The following ARHGAP15 variants were observed in gnomAD, a reference collection of about 807,000 sequenced individuals.
ARHGAP15 encodes the protein Rho GTPase activating protein 15.
ARHGAP15 carries 51 observed loss-of-function variants against 63.7 expected under a neutral mutation model. That is an observed-to-expected ratio of 0.80 (90% CI 0.64 to 1.01). The LOEUF (loss-of-function observed/expected upper bound fraction) is 1.01, where lower values mean the gene tolerates loss of function less well. ARHGAP15 is among the 50% of genes least tolerant of loss of function. The probability of loss-of-function intolerance (pLI) is 0.00; values close to 1 mark genes in which losing one functional copy is unlikely to be tolerated. For missense variants in ARHGAP15, 560 were observed against 564.6 expected (o/e 0.99, Z 0.08); for synonymous variants, 191 against 193.8 (o/e 0.99, Z 0.12).
chr2:143,427,622 A>G (rs912165265), intron 6 of ARHGAP15, among the ~76,000 whole-genome samples: 1 of 151,908 alleles, frequency 6.6e-6, no homozygotes, highest in Non-Finnish European at 1.5e-5. Context: ...AGAACGTTCT[A>G]TTTTAGAGAT....
chr2:143,403,503 T>G (rs1263236564), intron 6 of ARHGAP15, among the ~76,000 whole-genome samples: 3 of 151,834 alleles, frequency 2.0e-5, no homozygotes, highest in African/African-American at 7.2e-5. Context: ...AGTTACTATT[T>G]TCAAAAATAC....
intron 13 of ARHGAP15, among the ~76,000 whole-genome samples, chr2:143,727,658 C>G (rs772368688): frequency 6.6e-6 from 1 of 152,162 alleles, no homozygotes; most frequent in Admixed American, 6.5e-5. Flanking sequence ...ATCGAATGAA[C>G]GGGGCTGTTC....
At chr2:143,661,577 T>C (rs1188960757) in intron 12 of ARHGAP15, among the ~76,000 whole-genome samples, 1 of 152,106 alleles carries the variant, frequency 6.6e-6, no homozygotes, top group Non-Finnish European at 1.5e-5. Context: ...GGAGCCAAGA[T>C]GGCCGAATAG....
chr2:143,661,849 ACG>A (rs1681805279), intron 12 of ARHGAP15, among the ~76,000 whole-genome samples: 1 of 152,170 alleles, frequency 6.6e-6, no homozygotes, highest in African/African-American at 2.4e-5. Context: ...CCCGAATATT[ACG>A]CTTTTCGGAC....
intron 6 of ARHGAP15, among the ~76,000 whole-genome samples, chr2:143,269,855 T>C (rs1681185074): frequency 6.6e-6 from 1 of 152,178 alleles, no homozygotes; most frequent in Admixed American, 6.5e-5. Context: ...AGTGTACACA[T>C]CCCATTACAT....
At chr2:143,584,962 T>C (rs1220399610) in intron 11 of ARHGAP15, among the ~76,000 whole-genome samples, 2 of 152,212 alleles carry the variant, frequency 1.3e-5, no homozygotes, top group Non-Finnish European at 2.9e-5. Flanking sequence ...TCTTCGTACA[T>C]GTATTTTACT....
chr2:143,288,682 C>T (rs1287970928), intron 6 of ARHGAP15, among the ~76,000 whole-genome samples: 3 of 151,210 alleles, frequency 2.0e-5, no homozygotes, highest in Non-Finnish European at 2.9e-5. Flanking sequence ...TCCACTCTAT[C>T]TATTCTTAGC....
intron 12 of ARHGAP15, among the ~76,000 whole-genome samples, chr2:143,678,776 A>C (rs1175741835): frequency 6.6e-6 from 1 of 152,174 alleles, no homozygotes; most frequent in African/African-American, 2.4e-5. Context: ...AAGTTTCCCA[A>C]ACTTCATTGA....
rs917446041 is a variant in ARHGAP15, at chr2:143,306,653, T to C, written c.474+56053T>C. On this transcript the variant is annotated intron_variant, in intron 6 of 13. Coordinates refer to ENST00000295095, the MANE Select transcript of ARHGAP15 (RefSeq NM_018460.4). Reference sequence around the variant, plus strand: ...AGTCTGAAGACCATTAGGGTTGTCCTTGGATAAGACAGACCTAAGTCCTCT... The same window carrying C: ...AGTCTGAAGACCATTAGGGTTGTCCCTGGATAAGACAGACCTAAGTCCTCT... Among the ~76,000 whole-genome samples the C allele has an allele frequency of 1.3e-4, 20 of 152,238 alleles. 1 individual carries two copies. The highest frequency in any genetic ancestry group is 9.2e-4 in the Admixed American group (14 of 15,278).
chr2:143,297,789 G>T (rs559810064), intron 6 of ARHGAP15, among the ~76,000 whole-genome samples: 2 of 152,050 alleles, frequency 1.3e-5, no homozygotes, highest in Non-Finnish European at 2.9e-5. Context: ...TTCCAGGCTA[G>T]GCCAAATATT....
chr2:143,699,418 A>G (rs1049309403), intron 12 of ARHGAP15, among the ~76,000 whole-genome samples: 1 of 152,176 alleles, frequency 6.6e-6, no homozygotes, highest in Non-Finnish European at 1.5e-5. Flanking sequence ...GCATGCACCA[A>G]TATCCAATTG....
At chr2:143,343,192 A>G (rs984437133) in intron 6 of ARHGAP15, among the ~76,000 whole-genome samples, 1 of 152,070 alleles carries the variant, frequency 6.6e-6, no homozygotes, top group African/African-American at 2.4e-5. Flanking sequence ...CAGGAAAATC[A>G]TATTTAATCT....
intron 10 of ARHGAP15, among the ~76,000 whole-genome samples, chr2:143,554,800 C>T (rs956746976): frequency 6.6e-6 from 1 of 152,054 alleles, no homozygotes; most frequent in Non-Finnish European, 1.5e-5. Context: ...AGAAATTGTA[C>T]TTTAAAACAA....
chr2:143,626,453 A>T (rs2105245434), intron 12 of ARHGAP15, among the ~76,000 whole-genome samples: 1 of 152,228 alleles, frequency 6.6e-6, no homozygotes, highest in East Asian at 1.9e-4. Flanking sequence ...CTTCTAGGTG[A>T]GTGTTACAGC....
chr2:143,404,234 G>A (rs1478890704), intron 6 of ARHGAP15, among the ~76,000 whole-genome samples: 3 of 151,270 alleles, frequency 2.0e-5, no homozygotes, highest in African/African-American at 7.3e-5. Context: ...AGGCAAAGGA[G>A]ATGGAGAAAA....
At chr2:143,176,507 G>A (rs1691014427) in intron 2 of ARHGAP15, among the ~76,000 whole-genome samples, 1 of 152,004 alleles carries the variant, frequency 6.6e-6, no homozygotes, top group African/African-American at 2.4e-5. Flanking sequence ...GATAGCAGAG[G>A]ATGTATCTTC....
At chr2:143,480,824 C>T (rs1278175604) in intron 8 of ARHGAP15, 1 of 152,080 alleles carries the variant, frequency 6.6e-6, no homozygotes, top group African/African-American at 2.4e-5. Flanking sequence ...TTATTACAGC[C>T]CCATGAATTA....
intron 3 of ARHGAP15, among the ~76,000 whole-genome samples, chr2:143,213,030 T>C (rs1692616913): frequency 1.3e-5 from 2 of 151,790 alleles, no homozygotes; most frequent in African/African-American, 4.8e-5. Flanking sequence ...TGGTATCCCG[T>C]CCCCCCAGAA....
chr2:143,339,578 C>G (rs955953270), intron 6 of ARHGAP15, among the ~76,000 whole-genome samples: 3 of 152,126 alleles, frequency 2.0e-5, no homozygotes, highest in Non-Finnish European at 4.4e-5. Context: ...TCTGGAATTA[C>G]TCTATTGGCA....
Sources: gnomAD v4.1 joint callset for allele counts (sites outside exome capture counted in the v4.1 genomes callset) on GRCh38, gnomAD v4.1.1 for gene constraint, MANE v1.5 for transcripts, NCBI Gene and HGNC (gene_info 2026-07-23, HGNC 2026-07-21) for gene names.